PKP4: variants seen among roughly 807,000 people sequenced by gnomAD.
PKP4 encodes the protein plakophilin 4.
In PKP4, 90 loss-of-function variants were observed where a neutral mutation model predicts 145.1. The ratio of observed to expected loss-of-function variants is 0.62; its 90% CI spans 0.52 to 0.74. The LOEUF (loss-of-function observed/expected upper bound fraction) is 0.74. PKP4 is among the 30% of genes least tolerant of loss of function. PKP4 has a pLI of 0.00. For missense variants in PKP4, 1,340 were observed against 1,482.7 expected, an observed-to-expected ratio of 0.90 and a Z score of 1.58; for synonymous variants, 563 against 577.2, an observed-to-expected ratio of 0.98 and a Z score of 0.35.
intron 9 of PKP4, among the ~76,000 whole-genome samples, chr2:158,637,666 T>G (rs1257301759): frequency 1.3e-5 from 2 of 152,154 alleles, no homozygotes; most frequent in Non-Finnish European, 2.9e-5. Flanking sequence ...CTCTCAAGGA[T>G]TATATTCTTG....
rs779613250 is a variant in PKP4 at position 158,634,162 on chromosome 2, G to T, written c.1435G>T (p.Ala479Ser). Residue 479 changes from alanine to serine, a missense_variant, in exon 9 of 22, where the codon GCG (alanine) becomes TCG (serine). Physicochemically the swap from Ala to Ser is moderately conservative, Grantham distance 99 (BLOSUM62 1). Transcript: ENST00000389759. ...TGCTCTGAACACAACAGCTACCTACGCGGAGCCCTACAGGCCTATACAATA... is the reference window on the plus strand; with the variant it reads ...TGCTCTGAACACAACAGCTACCTACTCGGAGCCCTACAGGCCTATACAATA... ...NYALNTTATY[A>S]EPYRPIQYRV... 6.2e-7 allele frequency: 1 copy of T among 1,613,890 alleles called. No individual in the cohort carries two copies. The highest frequency in any genetic ancestry group is 2.2e-5 in the East Asian group (1 of 44,880).
chr2:158,666,904 A>G (rs913857807), intron 16 of PKP4, among the ~76,000 whole-genome samples: 5 of 152,196 alleles, frequency 3.3e-5, no homozygotes, highest in African/African-American at 4.8e-5. Flanking sequence ...CAATTTTTGG[A>G]CTGCTACCTG....
chr2:158,590,423 T>G (rs1304138504), intron 3 of PKP4, among the ~76,000 whole-genome samples: 1 of 150,548 alleles, frequency 6.6e-6, no homozygotes, highest in Non-Finnish European at 1.5e-5. Flanking sequence ...TATTTTAGGA[T>G]CCTATGATGT....
At chr2:158,463,712 A>C (rs1690148597) in intron 1 of PKP4, among the ~76,000 whole-genome samples, 2 of 152,206 alleles carry the variant, frequency 1.3e-5, no homozygotes, top group African/African-American at 4.8e-5. Context: ...ACATCAAGCC[A>C]TTACATTTTT....
intron 3 of PKP4, among the ~76,000 whole-genome samples, chr2:158,579,360 G>T (rs1197024361): frequency 6.6e-6 from 1 of 151,072 alleles, no homozygotes; most frequent in Non-Finnish European, 1.5e-5. Flanking sequence ...ACAGAAATAA[G>T]AAAAGATGTA....
At position 158,564,879 on chromosome 2, in the gene PKP4, T is replaced by A. The variant is rs139300444; in HGVS notation, c.133-12392T>A. ...AGTTAAGTTCCCATGTATACTTGCATCTGGCTCTTTAATTCTTATTAAATT... is the reference window on the plus strand; with the variant it reads ...AGTTAAGTTCCCATGTATACTTGCAACTGGCTCTTTAATTCTTATTAAATT... On this transcript the variant is annotated intron_variant, in intron 2 of 21. Transcript: ENST00000389759. Among the ~76,000 whole-genome samples the A allele has an allele frequency of 2.0e-5, 3 of 152,378 alleles. No individual in the cohort carries two copies. In the East Asian group the frequency reaches 5.8e-4, roughly 29 times the overall value.
chr2:158,533,416 C>G (rs780239664), intron 2 of PKP4, 100 bp downstream of exon 2: 5 of 1,372,496 alleles, frequency 3.6e-6, no homozygotes, highest in Non-Finnish European at 5.1e-6. Context: ...TCCTTGACGC[C>G]TTCACGTTTT....
chr2:158,669,992 A>G (rs1233061178), intron 17 of PKP4, 77 bp downstream of exon 17: 13 of 1,128,786 alleles, frequency 1.2e-5, no homozygotes, highest in Non-Finnish European at 1.5e-5. Context: ...TGTTGAGGAT[A>G]CCTTTCCTAT....
intron 7 of PKP4, among the ~76,000 whole-genome samples, chr2:158,625,959 C>T (rs1294230154): frequency 6.6e-6 from 1 of 152,062 alleles, no homozygotes; most frequent in African/African-American, 2.4e-5. Context: ...CTTTTACATG[C>T]CACTCCTATT....
At chr2:158,492,000 T>C (rs750882798) in intron 1 of PKP4, among the ~76,000 whole-genome samples, 3 of 152,098 alleles carry the variant, frequency 2.0e-5, no homozygotes, top group African/African-American at 7.2e-5. Flanking sequence ...GTAGAGATGA[T>C]GTCTCGCTAT....
At chr2:158,608,307 G>A (rs1362209882) in intron 4 of PKP4, among the ~76,000 whole-genome samples, 1 of 151,968 alleles carries the variant, frequency 6.6e-6, no homozygotes, top group Admixed American at 6.6e-5. Context: ...AGTAGGCTGT[G>A]CAATCAGCTG....
At chr2:158,581,735 A>G (rs1299970923) in intron 3 of PKP4, among the ~76,000 whole-genome samples, 2 of 152,222 alleles carry the variant, frequency 1.3e-5, no homozygotes, top group Non-Finnish European at 2.9e-5. Flanking sequence ...AGTCCTCTGC[A>G]TATATTTCCA....
At chr2:158,663,542 A>G in intron 15 of PKP4, 97 bp downstream of exon 15, 1 of 1,069,506 alleles carries the variant, frequency 9.4e-7, no homozygotes. Flanking sequence ...ATCAGCCCTG[A>G]TGGTGAAAGG....
At chr2:158,548,686 C>T (rs1574422798) in intron 2 of PKP4, 3 of 191,460 alleles carry the variant, frequency 1.6e-5, no homozygotes, top group South Asian at 8.4e-5. Flanking sequence ...TCACCCCGGC[C>T]GTGGACCGCC....
rs749838403 is a variant in PKP4, at chr2:158,640,601, T to C, written c.1563-26T>C. On this transcript the variant is annotated intron_variant, in intron 9 of 21. Coordinates refer to ENST00000389759, the MANE Select transcript of PKP4 (RefSeq NM_003628.6). ...TATTTTTACAACATGGGCCTTCCTT[T>C]CTGAAGCCATGTTTTTCTCATGTAG... 1.9e-6 allele frequency: 3 copies of C among 1,610,562 alleles called. 1 individual carries two copies. The South Asian group carries it at 3.3e-5, about 18-fold the overall frequency.
chr2:158,572,408 G>C (rs761043614), intron 2 of PKP4, among the ~76,000 whole-genome samples: 1 of 152,184 alleles, frequency 6.6e-6, no homozygotes, highest in Non-Finnish European at 1.5e-5. Flanking sequence ...AGAAAGAAAA[G>C]AAATAATTCA....
At chr2:158,549,219 G>C (rs147819419) in intron 2 of PKP4, 34 of 176,430 alleles carry the variant, frequency 1.9e-4, no homozygotes, top group African/African-American at 7.9e-4. Flanking sequence ...CACTAAACTG[G>C]GTTAAATGTA....
At chr2:158,585,337 A>G (rs1032386097) in intron 3 of PKP4, among the ~76,000 whole-genome samples, 96 of 152,336 alleles carry the variant, frequency 6.3e-4, no homozygotes, top group African/African-American at 2.2e-3. Flanking sequence ...GTTTTGACAA[A>G]TAGTGTTCTT....
At chr2:158,468,314 C>G (rs1185166586) in intron 1 of PKP4, among the ~76,000 whole-genome samples, 1 of 152,098 alleles carries the variant, frequency 6.6e-6, no homozygotes, top group Non-Finnish European at 1.5e-5. Flanking sequence ...TCTATAAAAT[C>G]AAGTCTTTTA....
Sources: gnomAD v4.1 joint callset for allele counts (sites outside exome capture counted in the v4.1 genomes callset) on GRCh38, gnomAD v4.1.1 for gene constraint, MANE v1.5 for transcripts, NCBI Gene and HGNC (gene_info 2026-07-23, HGNC 2026-07-21) for gene names.